Variants in METAP2 observed in about 807,000 individuals in gnomAD.
METAP2 encodes methionine aminopeptidase 2.
A neutral mutation model predicts 59.4 loss-of-function variants in METAP2; 25 were observed. That is an observed-to-expected ratio of 0.42 (90% CI 0.31 to 0.59). METAP2 has a LOEUF of 0.59. METAP2 is among the 20% of genes least tolerant of loss of function. METAP2 has a pLI of 0.16. For missense variants in METAP2, 366 were observed against 581.2 expected (o/e 0.63, Z 3.81); for synonymous variants, 214 against 194.1 (o/e 1.10, Z -0.85).
chr12:95,482,949 A>G (rs907266250), intron 2 of METAP2, among the ~76,000 whole-genome samples: 4 of 152,118 alleles, frequency 2.6e-5, no homozygotes, highest in Non-Finnish European at 4.4e-5. Flanking sequence ...GAGTCTCACT[A>G]TGTTGCCCAA....
intron 4 of METAP2, among the ~76,000 whole-genome samples, chr12:95,486,911 G>T (rs562161425): frequency 6.6e-6 from 1 of 152,194 alleles, no homozygotes; most frequent in Non-Finnish European, 1.5e-5. Flanking sequence ...ATTTAAAATG[G>T]TTAGCAGAAG....
intron 2 of METAP2, 45 bp from the exon 3 acceptor site, chr12:95,483,170 C>T: frequency 6.9e-7 from 1 of 1,456,964 alleles, no homozygotes; most frequent in Non-Finnish European, 9.6e-7. Flanking sequence ...TGTCCCTCTG[C>T]TTATGAGGTT....
chr12:95,474,618 G>A (rs1271207938), intron 1 of METAP2, among the ~76,000 whole-genome samples: 1 of 152,204 alleles, frequency 6.6e-6, no homozygotes, highest in Non-Finnish European at 1.5e-5. Flanking sequence ...CAGCTCCCAC[G>A]CACATCGTGG....
In METAP2 at chr12:95,504,201, T is replaced by G. The variant is rs1436522070; in HGVS notation, c.964+40T>G. The G allele has an allele frequency of 2.9e-6, 4 of 1,361,620 alleles. No individual in the cohort carries two copies. The African/African-American group carries it at 4.4e-5, about 15-fold the overall frequency. The allele number at this position is 1,361,620 out of a possible 1,614,324, so 84.3% of individuals were successfully genotyped here. A position where few individuals can be genotyped will look rare whatever the true frequency, so the allele number is the denominator to read the frequency against. ...AATATATCTTATTTTGAAATTGATT[T>G]TACAAACTATTGTCGAGTGTTTTCT... is the stretch of plus-strand genomic sequence containing the variant. On this transcript the variant is annotated intron_variant, in intron 8 of 10. Coordinates refer to ENST00000323666, the MANE Select transcript of METAP2 (RefSeq NM_006838.4).
At chr12:95,512,260 T>C (rs1156505832) in intron 9 of METAP2, among the ~76,000 whole-genome samples, 1 of 152,170 alleles carries the variant, frequency 6.6e-6, no homozygotes, top group Non-Finnish European at 1.5e-5. Flanking sequence ...CCAGTCTCTT[T>C]ATAGTAGGCT....
chr12:95,499,491 A>G (rs534308959), intron 7 of METAP2, among the ~76,000 whole-genome samples: 1 of 151,312 alleles, frequency 6.6e-6, no homozygotes, highest in Non-Finnish European at 1.5e-5. Flanking sequence ...GAAATTGAGA[A>G]GTGTAAATTC....
Position 95,494,453 on chromosome 12 carries a change from A to C in METAP2, c.590+236A>C, listed in dbSNP as rs17024301. Among the ~76,000 whole-genome samples, 1,399 of 152,272 alleles carry C rather than the reference A, an allele frequency of 9.2e-3. 29 individuals are homozygous for C. Among genetic ancestry groups the C allele is most frequent in the African/African-American group, 0.032 (1,340 of 41,564 alleles). On this transcript the variant is annotated intron_variant, in intron 5 of 10. Coordinates refer to ENST00000323666, the MANE Select transcript of METAP2 (RefSeq NM_006838.4). ...TAGTCATTACTGATTGTTATTTTCT[A>C]TCTGGAAATCTGTTATTTTGCTATC...
chr12:95,485,849 A>C (rs770285178), intron 3 of METAP2, 30 bp from the exon 4 acceptor site: 1 of 1,362,360 alleles, frequency 7.3e-7, no homozygotes, highest in East Asian at 2.6e-5. Flanking sequence ...TTTTAACTAC[A>C]GAAGTTAATG....
At chr12:95,475,803 A>G (rs1160707889) in intron 1 of METAP2, among the ~76,000 whole-genome samples, 3 of 151,262 alleles carry the variant, frequency 2.0e-5, no homozygotes, top group African/African-American at 7.3e-5. Flanking sequence ...AAGTTAAACT[A>G]CTTGAGGATA....
intron 9 of METAP2, 87 bp from the exon 10 acceptor site, chr12:95,512,714 A>AAGAG: frequency 1.3e-6 from 1 of 749,126 alleles, no homozygotes; most frequent in Non-Finnish European, 2.2e-6. Flanking sequence ...CTGTCTCAAA[A>AAGAG]AGAGAGAGAG....
intron 4 of METAP2, among the ~76,000 whole-genome samples, chr12:95,489,268 G>A (rs1193506842): frequency 6.6e-6 from 1 of 152,120 alleles, no homozygotes; most frequent in Non-Finnish European, 1.5e-5. Context: ...ATGAGATTTT[G>A]TAAACTTCAA....
chr12:95,497,269 C>G (rs1000624003), intron 7 of METAP2, among the ~76,000 whole-genome samples: 1 of 152,186 alleles, frequency 6.6e-6, no homozygotes, highest in Non-Finnish European at 1.5e-5. Context: ...CTCTTCTCCC[C>G]CTACCCTGGC....
chr12:95,511,897 A>C lies in METAP2; in HGVS notation c.967A>C (p.Lys323Gln). 6.2e-7 allele frequency: 1 copy of C among 1,604,460 alleles called. No individual in the cohort carries two copies. Among genetic ancestry groups the C allele is most frequent in the Non-Finnish European group, 8.5e-7 (1 of 1,173,712 alleles). ...VEIDGKTYQV[K>Q]PIRNLNGHSI... ...TATTTCCCTATTTTTTATAACAGTG[A>C]AACCAATCCGTAATCTAAATGGACA... is the stretch of plus-strand genomic sequence containing the variant. Residue 323 changes from lysine to glutamine, a missense_variant and splice_region_variant, in exon 9 of 11, where the codon AAA becomes CAA. Coordinates refer to ENST00000323666, the MANE Select transcript of METAP2 (RefSeq NM_006838.4).
chr12:95,506,443 T>TG (rs1038555439), intron 8 of METAP2, among the ~76,000 whole-genome samples: 1 of 151,808 alleles, frequency 6.6e-6, no homozygotes, highest in Non-Finnish European at 1.5e-5. Flanking sequence ...ATTACAGGCA[T>TG]GCGCCACTAC....
At position 95,494,954 on chromosome 12, in the gene METAP2, T is replaced by C. The variant is rs755375055; in HGVS notation, c.591-3T>C. 1.9e-6 allele frequency: 3 copies of C among 1,607,460 alleles called. No individual in the cohort carries two copies. Among genetic ancestry groups the C allele is most frequent in the South Asian group, 1.1e-5 (1 of 90,116 alleles). ...ACAAGTTCCCTTTGCTTTTTTGTTTTAGTGAAAAGTTGGAAGACTGTTCAC... is the reference window on the plus strand; with the variant it reads ...ACAAGTTCCCTTTGCTTTTTTGTTTCAGTGAAAAGTTGGAAGACTGTTCAC... On this transcript the variant is annotated splice_region_variant and splice_polypyrimidine_tract_variant and intron_variant, in intron 5 of 10. Coordinates refer to ENST00000323666, the MANE Select transcript of METAP2 (RefSeq NM_006838.4).
At chr12:95,486,485 A>G (rs2076197692) in intron 4 of METAP2, among the ~76,000 whole-genome samples, 1 of 149,928 alleles carries the variant, frequency 6.7e-6, no homozygotes, top group Non-Finnish European at 1.5e-5. Context: ...TCATGGAAAC[A>G]GTTTTTTTAA....
chr12:95,494,911 G>A (rs1423271137), intron 5 of METAP2, 46 bp from the exon 6 acceptor site: 7 of 1,513,818 alleles, frequency 4.6e-6, no homozygotes, highest in Admixed American at 1.8e-5. Flanking sequence ...ATATATAAAA[G>A]TAAGAATGTA....
At chr12:95,496,826 T>C (rs1468770337) in intron 7 of METAP2, among the ~76,000 whole-genome samples, 8 of 145,566 alleles carry the variant, frequency 5.5e-5, no homozygotes, top group Non-Finnish European at 1.1e-4. Flanking sequence ...TCTTTCTTTT[T>C]TTTTTTTTTT....
chr12:95,488,779 T>C (rs1447167417), intron 4 of METAP2, among the ~76,000 whole-genome samples: 4 of 152,158 alleles, frequency 2.6e-5, no homozygotes, highest in Non-Finnish European at 1.5e-5. Context: ...TTATTTACTC[T>C]GCTCCACTGA....
Sources: gnomAD v4.1 joint callset for allele counts (sites outside exome capture counted in the v4.1 genomes callset) on GRCh38, gnomAD v4.1.1 for gene constraint, MANE v1.5 for transcripts, NCBI Gene and HGNC (gene_info 2026-07-23, HGNC 2026-07-21) for gene names.